The following PAAF1 variants were observed in gnomAD, a reference collection of about 807,000 sequenced individuals.
PAAF1 encodes the protein proteasomal ATPase-associated factor 1.
A neutral mutation model predicts 52.8 loss-of-function variants in PAAF1; 46 were observed. The observed-to-expected ratio is 0.87, with a 90% CI of 0.69 to 1.11. The LOEUF (loss-of-function observed/expected upper bound fraction) is 1.11, where lower values mean the gene tolerates loss of function less well. Ranked by LOEUF, PAAF1 falls within the 50% of genes most tolerant of loss-of-function variation. PAAF1 has a pLI of 0.00. For missense variants in PAAF1, 424 were observed against 477.4 expected, an observed-to-expected ratio of 0.89 and a Z score of 1.04; for synonymous variants, 178 against 172.8, an observed-to-expected ratio of 1.03 and a Z score of -0.24.
At chr11:73,889,370 G>C (rs1949143212) in intron 3 of PAAF1, 3 of 555,978 alleles carry the variant, frequency 5.4e-6, no homozygotes, top group Non-Finnish European at 8.2e-6. Context: ...TCTAACCCTG[G>C]AGCATAAAAA....
At chr11:73,896,959 CGGCTGGCCGGGCGGGGG>C (rs1442069210) in intron 4 of PAAF1, among the ~76,000 whole-genome samples, 1 of 136,690 alleles carries the variant, frequency 7.3e-6, no homozygotes, top group South Asian at 2.4e-4. Context: ...CCCGACGGGG[CGGCTGGCCGGGCGGGGG>C]GGCTGACCCC....
intron 6 of PAAF1, among the ~76,000 whole-genome samples, chr11:73,904,117 T>C (rs1591090214): frequency 6.6e-6 from 1 of 151,744 alleles, no homozygotes; most frequent in African/African-American, 2.4e-5. Flanking sequence ...ATACATAAAT[T>C]GGTCCCCCAA....
chr11:73,885,544 C>T (rs2135133992), intron 2 of PAAF1, among the ~76,000 whole-genome samples: 1 of 151,876 alleles, frequency 6.6e-6, no homozygotes, highest in Middle Eastern at 3.4e-3. Flanking sequence ...CCTATACTCT[C>T]TAGAAAGCCC....
At chr11:73,922,888 TGAG>T (rs1008680282) in intron 10 of PAAF1, among the ~76,000 whole-genome samples, 3 of 151,132 alleles carry the variant, frequency 2.0e-5, no homozygotes, top group African/African-American at 7.3e-5. Flanking sequence ...TGATTATTAG[TGAG>T]GAGATTTAAG....
In PAAF1 at chr11:73,904,839, G is replaced by A. The variant is rs558568168; in HGVS notation, c.532+4419G>A. ...GGAATAGTTTCATCTAATGTTATTC[G>A]TATTTCCAGACTTTGGCTGGGATGC... On this transcript the variant is annotated intron_variant, in intron 6 of 11. Coordinates refer to ENST00000310571, the MANE Select transcript of PAAF1 (RefSeq NM_025155.3). Among the ~76,000 whole-genome samples the A allele has an allele frequency of 8.6e-4, 131 of 152,240 alleles. 1 individual carries two copies. Among genetic ancestry groups the A allele is most frequent in the Middle Eastern group, 3.4e-3 (1 of 294 alleles).
At chr11:73,925,942 G>C (rs1230768056) in intron 11 of PAAF1, among the ~76,000 whole-genome samples, 4 of 152,082 alleles carry the variant, frequency 2.6e-5, no homozygotes, top group African/African-American at 9.7e-5. Context: ...ACTATTTTCA[G>C]AGAATTTGCA....
At chr11:73,907,112 C>G (rs1390420497) in intron 6 of PAAF1, among the ~76,000 whole-genome samples, 2 of 148,216 alleles carry the variant, frequency 1.3e-5, no homozygotes, top group African/African-American at 5.0e-5. Context: ...GTCTTTATGT[C>G]TATAATCAAC....
intron 11 of PAAF1, 91 bp from the exon 12 acceptor site, chr11:73,927,194 A>G (rs1244790150): frequency 3.2e-6 from 3 of 940,356 alleles, no homozygotes; most frequent in African/African-American, 3.2e-5. Context: ...CTCAGACTCC[A>G]TGGGACTAGT....
At chr11:73,909,690 T>C (rs1949875039) in intron 7 of PAAF1, 97 bp downstream of exon 7, 1 of 1,089,232 alleles carries the variant, frequency 9.2e-7, no homozygotes, top group Non-Finnish European at 1.3e-6. Context: ...TTTTCTGCTC[T>C]GTGCCTGGTA....
intron 10 of PAAF1, among the ~76,000 whole-genome samples, chr11:73,919,652 A>C (rs956501890): frequency 6.6e-6 from 1 of 152,242 alleles, no homozygotes; most frequent in African/African-American, 2.4e-5. Flanking sequence ...TAATGTAGCC[A>C]GGACAAACTC....
chr11:73,894,643 AT>A (rs200122498), intron 4 of PAAF1, among the ~76,000 whole-genome samples: 1,599 of 151,896 alleles, frequency 0.011, 14 homozygotes, highest in Middle Eastern at 0.044. Flanking sequence ...ATAAAAAAAA[AT>A]CTACTAAAAA....
chr11:73,876,804 C>T (rs1479607711), upstream of PAAF1: 3 of 423,782 alleles, frequency 7.1e-6, no homozygotes, highest in Admixed American at 9.0e-5. Flanking sequence ...TACGCGGCGG[C>T]TTGGGTTTCG....
At chr11:73,914,737 C>A (rs148331294) in intron 8 of PAAF1, among the ~76,000 whole-genome samples, 2,012 of 140,528 alleles carry the variant, frequency 0.014, 23 homozygotes, top group Non-Finnish European at 0.022. Context: ...CTCACTCTGT[C>A]GCCCAGGTTG....
Position 73,927,292 on chromosome 11 carries a change from C to A in PAAF1, c.1109C>A (p.Thr370Lys), listed in dbSNP as rs772553884. 57 of 1,598,860 alleles carry A rather than the reference C, an allele frequency of 3.6e-5. No individual in the cohort carries two copies. Among genetic ancestry groups the A allele is most frequent in the Non-Finnish European group, 4.6e-5 (54 of 1,173,162 alleles). ...ADCDPVYKVA[T>K]WEKQIYTCCR... is the part of the protein sequence containing the mutation. ...TGAATTCTTGTGTTTTAGGTAGCCA[C>A]ATGGGAGAAGCAGATCTACACATGC... Residue 370 changes from threonine (T) to lysine (K), a missense_variant, in exon 12 of 12, where the codon ACA (threonine) becomes AAA (lysine). Transcript: ENST00000310571.
intron 1 of PAAF1, 88 bp downstream of exon 1, chr11:73,877,156 A>G (rs1948764533): frequency 7.6e-7 from 1 of 1,324,282 alleles, no homozygotes; most frequent in Non-Finnish European, 1.0e-6. Context: ...CCAGGATATC[A>G]ATAGGGGTTA....
chr11:73,908,787 T>TTTTA (rs1949847316), intron 6 of PAAF1, among the ~76,000 whole-genome samples: 1 of 151,920 alleles, frequency 6.6e-6, no homozygotes, highest in African/African-American at 2.4e-5. Flanking sequence ...AATTTTTATT[T>TTTTA]TTTATTTATT....
chr11:73,883,387 A>G (rs74703265), intron 2 of PAAF1, among the ~76,000 whole-genome samples: 3,130 of 151,264 alleles, frequency 0.021, 108 homozygotes, highest in African/African-American at 0.071. Context: ...GTCACTTTCC[A>G]CCCCCCAATC....
chr11:73,889,259 G>T, intron 3 of PAAF1: 1 of 1,327,950 alleles, frequency 7.5e-7, no homozygotes, highest in South Asian at 2.0e-5. Context: ...AGTGCTTATG[G>T]TTGAACATTC....
intron 10 of PAAF1, among the ~76,000 whole-genome samples, chr11:73,919,796 C>T (rs1447759733): frequency 6.6e-6 from 1 of 152,122 alleles, no homozygotes; most frequent in Admixed American, 6.6e-5. Context: ...TACCTACCTA[C>T]CTTGAGCATT....
Sources: allele counts gnomAD v4.1 joint callset (sites outside exome capture counted in the v4.1 genomes callset), GRCh38; gene constraint gnomAD v4.1.1; transcripts MANE v1.5; gene names NCBI Gene and HGNC (gene_info 2026-07-23, HGNC 2026-07-21).